Variants in TNFSF10 observed in about 807,000 individuals in gnomAD.
TNFSF10 encodes the protein tumor necrosis factor ligand superfamily member 10.
Under a neutral mutation model 29.5 loss-of-function variants are expected in TNFSF10, and 13 were observed. The ratio of observed to expected loss-of-function variants is 0.44; its 90% CI spans 0.29 to 0.70. The LOEUF (loss-of-function observed/expected upper bound fraction) is 0.70. TNFSF10 is among the 30% of genes least tolerant of loss of function. The pLI is 0.13. For synonymous variants in TNFSF10, 111 were observed against 112.8 expected (o/e 0.98, Z 0.10); for missense variants, 345 against 330.9 (o/e 1.04, Z -0.33).
intron 3 of TNFSF10, 143 bp from the exon 4 acceptor site, chr3:172,509,464 T>C (rs1310466681): frequency 5.3e-6 from 3 of 562,602 alleles, no homozygotes; most frequent in African/African-American, 1.9e-5. Flanking sequence ...AAAATAACAT[T>C]TTGATATTAT....
In TNFSF10 at chr3:172,517,233, A is replaced by G; in HGVS notation, c.133-2235T>C. 9 of 703,516 alleles carry G rather than the reference A, an allele frequency of 1.3e-5. 1 individual carries two copies. Among genetic ancestry groups the G allele is most frequent in the Non-Finnish European group, 1.6e-5 (9 of 572,762 alleles). The allele number at this position is 703,516 out of a possible 1,614,324, so 43.6% of individuals were successfully genotyped here. On this transcript the variant is annotated intron_variant, in intron 1 of 4. Transcript: ENST00000241261. The stretch of plus-strand genomic sequence containing the variant: ...AACTTATCAACTGAGGTGGAGTTTG[A>G]CAAGGATGGTCGTGGTGGAGCTTGT...
chr3:172,510,790 G>T (rs1230226871), intron 3 of TNFSF10, among the ~76,000 whole-genome samples: 1 of 151,840 alleles, frequency 6.6e-6, no homozygotes, highest in Non-Finnish European at 1.5e-5. Flanking sequence ...CCCAGGAACA[G>T]GTCCTGTCCT....
rs1712991997 is a variant in TNFSF10 at position 172,506,562 on chromosome 3, G to A, written c.776C>T (p.Ser259Phe). The A allele has an allele frequency of 6.2e-7, 1 of 1,613,940 alleles. No homozygotes were observed. Among genetic ancestry groups the A allele is most frequent in the Admixed American group, 1.7e-5 (1 of 59,986 alleles). The change falls in exon 5 of 5, where the codon TCT becomes TTT. Residue 259 changes from serine to phenylalanine, a missense_variant. By Grantham distance (155) the Ser-to-Phe change is radical. Coordinates refer to ENST00000241261, the MANE Select transcript of TNFSF10 (RefSeq NM_003810.4). Reference protein sequence around the residue: ...ELKENDRIFVSVTNEHLIDMD... With the variant: ...ELKENDRIFVFVTNEHLIDMD... The stretch of plus-strand genomic sequence containing the variant: ...GTCTATCAAGTGCTCATTTGTTACA[G>A]AAACAAAAATTCTGTCATTTTCCTT...
chr3:172,514,196 A>G (rs3774315), intron 2 of TNFSF10, among the ~76,000 whole-genome samples: 34,522 of 152,194 alleles, frequency 0.23, 4,454 homozygotes, highest in Middle Eastern at 0.44. Flanking sequence ...AAGAAACTTG[A>G]TTAGATCTGT....
intron 1 of TNFSF10, among the ~76,000 whole-genome samples, chr3:172,522,991 C>CA (rs1216176245): frequency 6.6e-6 from 1 of 152,152 alleles, no homozygotes; most frequent in Non-Finnish European, 1.5e-5. Flanking sequence ...CTTTTAAAAA[C>CA]AAAAAATCCC....
intron 4 of TNFSF10, 92 bp downstream of exon 4, chr3:172,509,125 A>T (rs531114213): frequency 1.2e-5 from 13 of 1,065,738 alleles, no homozygotes; most frequent in Non-Finnish European, 1.8e-5. Context: ...TAGCCATATA[A>T]ACATTTCAGA....
intron 1 of TNFSF10, 79 bp from the exon 2 acceptor site, chr3:172,515,077 A>G (rs1713376613): frequency 2.5e-6 from 4 of 1,591,390 alleles, no homozygotes; most frequent in Admixed American, 3.5e-5. Flanking sequence ...AAGACAACAG[A>G]AACTGATAGC....
chr3:172,506,646 C>A lies in TNFSF10; in HGVS notation c.692G>T (p.Trp231Leu). The A allele has an allele frequency of 6.2e-7, 1 of 1,614,100 alleles. No individual in the cohort carries two copies. Among genetic ancestry groups the A allele is most frequent in the Non-Finnish European group, 8.5e-7 (1 of 1,180,014 alleles). ...GAGTCCATATTCTGCATCTTTAGAC[C>A]AACAACTATTTCTAGCACTTTTCAT... ...LLMKSARNSCWSKDAEYGLYS... is the reference protein window; with the variant it reads ...LLMKSARNSCLSKDAEYGLYS... Residue 231 changes from tryptophan to leucine, a missense_variant, in exon 5 of 5, where the codon TGG becomes TTG. Physicochemically the swap from Trp to Leu is moderately conservative, Grantham distance 61 (BLOSUM62 -2). Coordinates refer to ENST00000241261, the MANE Select transcript of TNFSF10 (RefSeq NM_003810.4).
At position 172,506,510 on chromosome 3, in the gene TNFSF10, C is replaced by T. The variant is rs1712987834; in HGVS notation, c.828G>A (p.Gly276=). The change falls in exon 5 of 5, where the codon GGG becomes GGA. Residue 276 remains glycine, a synonymous_variant. Transcript: ENST00000241261. Reference sequence around the variant, plus strand: ...AGGTCAGTTAGCCAACTAAAAAGGCCCCAAAAAAACTGGCTTCATGGTCCA... The same window carrying T: ...AGGTCAGTTAGCCAACTAAAAAGGCTCCAAAAAAACTGGCTTCATGGTCCA... ...IDMDHEASFF[G]AFLVG The T allele has an allele frequency of 6.2e-7, 1 of 1,604,210 alleles. No homozygotes were observed. Among genetic ancestry groups the T allele is most frequent in the South Asian group, 1.1e-5 (1 of 88,748 alleles).
At chr3:172,520,961 C>T (rs1374897184) in intron 1 of TNFSF10, among the ~76,000 whole-genome samples, 1 of 152,142 alleles carries the variant, frequency 6.6e-6, no homozygotes, top group African/African-American at 2.4e-5. Context: ...GAAAGGATTC[C>T]CTATTTAATA....
At chr3:172,516,359 G>A (rs371088627) in intron 1 of TNFSF10, among the ~76,000 whole-genome samples, 2 of 152,172 alleles carry the variant, frequency 1.3e-5, no homozygotes, top group Non-Finnish European at 2.9e-5. Flanking sequence ...TACTGCAAAG[G>A]TTGAAGGGAG....
At chr3:172,515,104 T>G in intron 1 of TNFSF10, 106 bp from the exon 2 acceptor site, 1 of 1,490,848 alleles carries the variant, frequency 6.7e-7, no homozygotes. Context: ...AAAGAAGTTT[T>G]GGCATATTGA....
In TNFSF10 at chr3:172,514,843, C is replaced by A; in HGVS notation, c.270+18G>T. The A allele has an allele frequency of 6.2e-7, 1 of 1,613,712 alleles. No individual in the cohort carries two copies. Among genetic ancestry groups the A allele is most frequent in the East Asian group, 2.2e-5 (1 of 44,886 alleles). The stretch of plus-strand genomic sequence containing the variant: ...CCTTCTCCGCCTGCTGGTGAGGTCA[C>A]CTGGTGAGGTTACCTACCTTTCTAA... On this transcript the variant is annotated intron_variant, in intron 2 of 4. Transcript: ENST00000241261.
At chr3:172,511,733 T>C in intron 2 of TNFSF10, 74 bp from the exon 3 acceptor site, 2 of 1,316,080 alleles carry the variant, frequency 1.5e-6, no homozygotes, top group South Asian at 1.3e-5. Context: ...CTATGGCTCA[T>C]CTTGCTGATG....
rs1366530908 is a variant in TNFSF10, at chr3:172,506,217, G to A, written c.*275C>T. The A allele has an allele frequency of 2.6e-6, 1 of 379,178 alleles. No homozygotes were observed. The highest frequency in any genetic ancestry group is 2.1e-5 in the African/African-American group (1 of 47,380). The allele number at this position is 379,178 out of a possible 1,614,324, so 23.5% of individuals were successfully genotyped here. On this transcript the variant is annotated 3_prime_UTR_variant, in exon 5 of 5. Coordinates refer to ENST00000241261, the MANE Select transcript of TNFSF10 (RefSeq NM_003810.4). ...TTGCATTAATGTTTGGAAGCTGACA[G>A]TCTTCTAGATTTCTGCTAGCAAACT... is the stretch of plus-strand genomic sequence containing the variant.
chr3:172,509,947 C>T (rs575992298), intron 3 of TNFSF10, among the ~76,000 whole-genome samples: 1 of 148,488 alleles, frequency 6.7e-6, no homozygotes, highest in African/African-American at 2.5e-5. Context: ...CCATTGCACT[C>T]CAGCCTGGGC....
intron 1 of TNFSF10, chr3:172,517,573 C>G (rs1357143042): frequency 1.0e-6 from 1 of 985,134 alleles, no homozygotes; most frequent in Non-Finnish European, 1.2e-6. Context: ...AAAACAACCA[C>G]TAATAGCAGC....
intron 4 of TNFSF10, 59 bp from the exon 5 acceptor site, chr3:172,506,978 AGC>A: frequency 7.8e-7 from 1 of 1,275,788 alleles, no homozygotes. Context: ...CAAAGCAAGG[AGC>A]TTTTTTGCAG....
At position 172,506,791 on chromosome 3, in the gene TNFSF10, A is replaced by C. The variant is rs1173362886; in HGVS notation, c.547T>G (p.Tyr183Asp). The change falls in exon 5 of 5, where the codon TAC (tyrosine) becomes GAC (aspartate). Residue 183 changes from tyrosine (Y) to aspartate (D), a missense_variant. Coordinates refer to ENST00000241261, the MANE Select transcript of TNFSF10 (RefSeq NM_003810.4). Reference sequence around the variant, plus strand: ...CGAAAGTATGTTTGGGAATAGATGTAGTAAAACCCTTTTTCATGGATGACC... The same window carrying C: ...CGAAAGTATGTTTGGGAATAGATGTCGTAAAACCCTTTTTCATGGATGACC... Reference protein sequence around the residue: ...ELVIHEKGFYYIYSQTYFRFQ... With the variant: ...ELVIHEKGFYDIYSQTYFRFQ... 3.1e-6 allele frequency: 5 copies of C among 1,614,236 alleles called. No homozygotes were observed. Among genetic ancestry groups the C allele is most frequent in the Non-Finnish European group, 4.2e-6 (5 of 1,180,036 alleles).
Sources: allele counts gnomAD v4.1 joint callset (sites outside exome capture counted in the v4.1 genomes callset), GRCh38; gene constraint gnomAD v4.1.1; transcripts MANE v1.5; gene names NCBI Gene and HGNC (gene_info 2026-07-23, HGNC 2026-07-21).